The following WWOX variants were observed in gnomAD, a reference collection of about 807,000 sequenced individuals.
WWOX encodes the protein WW domain-containing oxidoreductase.
Under a neutral mutation model 46.2 loss-of-function variants are expected in WWOX, and 69 were observed. That is an observed-to-expected ratio of 1.49 (90% CI 1.23 to 1.82). WWOX has a LOEUF of 1.82. WWOX is among the 40% of genes most tolerant of loss of function. The probability of loss-of-function intolerance (pLI) is 0.00; values close to 1 mark genes in which losing one functional copy is unlikely to be tolerated. For missense variants in WWOX, 919 were observed against 542.6 expected, an observed-to-expected ratio of 1.69 and a Z score of -6.89; for synonymous variants, 359 against 202.6, an observed-to-expected ratio of 1.77 and a Z score of -6.56.
At chr16:78,924,234 T>C (rs554009618) in intron 8 of WWOX, among the ~76,000 whole-genome samples, 19 of 152,186 alleles carry the variant, frequency 1.2e-4, no homozygotes, top group Non-Finnish European at 2.5e-4. Context: ...TGTGAATTCA[T>C]AGACGTCTTG....
At chr16:78,745,219 G>T (rs2049320569) in intron 8 of WWOX, among the ~76,000 whole-genome samples, 2 of 152,212 alleles carry the variant, frequency 1.3e-5, no homozygotes, top group Admixed American at 6.5e-5. Flanking sequence ...TAAGGCACTT[G>T]ATTAGTTCTT....
intron 8 of WWOX, among the ~76,000 whole-genome samples, chr16:78,556,645 C>T (rs1352102749): frequency 2.0e-5 from 3 of 152,114 alleles, no homozygotes; most frequent in African/African-American, 7.2e-5. Flanking sequence ...ACCAAACGTA[C>T]CGGTGTGTGA....
chr16:78,700,715 T>C (rs915778102), intron 8 of WWOX, among the ~76,000 whole-genome samples: 5 of 152,164 alleles, frequency 3.3e-5, no homozygotes, highest in Non-Finnish European at 4.4e-5. Flanking sequence ...GGCCACCTCA[T>C]AGTCTTGTTG....
intron 8 of WWOX, among the ~76,000 whole-genome samples, chr16:78,465,898 C>T (rs893392507): frequency 1.3e-5 from 2 of 152,148 alleles, no homozygotes; most frequent in African/African-American, 4.8e-5. Flanking sequence ...TAAGAGGTCA[C>T]ATAGGATATT....
At chr16:78,306,589 G>T (rs999931202) in intron 5 of WWOX, among the ~76,000 whole-genome samples, 11 of 152,130 alleles carry the variant, frequency 7.2e-5, no homozygotes, top group African/African-American at 2.4e-4. Flanking sequence ...TCTTACTCCA[G>T]ATCAAAGAGT....
chr16:78,311,957 G>A (rs1303271074), intron 5 of WWOX, among the ~76,000 whole-genome samples: 2 of 152,278 alleles, frequency 1.3e-5, no homozygotes, highest in East Asian at 1.9e-4. Context: ...GGATACTGTA[G>A]AGGAGAATAC....
intron 5 of WWOX, among the ~76,000 whole-genome samples, chr16:78,311,795 G>T (rs553452623): frequency 6.6e-6 from 1 of 151,736 alleles, no homozygotes; most frequent in South Asian, 2.1e-4. Flanking sequence ...CCTGGCGGGG[G>T]GGTATTCATT....
At chr16:78,558,732 G>A (rs976702939) in intron 8 of WWOX, among the ~76,000 whole-genome samples, 1 of 152,300 alleles carries the variant, frequency 6.6e-6, no homozygotes, top group South Asian at 2.1e-4. Context: ...CCCAGTCTTG[G>A]CTTTGATCAA....
chr16:79,025,310 G>C (rs1373794433), intron 8 of WWOX, among the ~76,000 whole-genome samples: 1 of 152,160 alleles, frequency 6.6e-6, no homozygotes, highest in Non-Finnish European at 1.5e-5. Flanking sequence ...GTTCGATTTA[G>C]TGGTGGCTCC....
At chr16:78,555,136 C>G (rs1466235011) in intron 8 of WWOX, among the ~76,000 whole-genome samples, 1 of 137,496 alleles carries the variant, frequency 7.3e-6, no homozygotes, top group African/African-American at 2.8e-5. Context: ...CTGTCTTTTT[C>G]TCTTTCTCTC....
At chr16:79,123,620 A>G (rs772909159) in intron 8 of WWOX, among the ~76,000 whole-genome samples, 12 of 152,126 alleles carry the variant, frequency 7.9e-5, no homozygotes, top group South Asian at 2.1e-4. Context: ...AGCAGTCAAA[A>G]TAGTTTGACC....
intron 5 of WWOX, among the ~76,000 whole-genome samples, chr16:78,323,273 A>AT (rs1293947931): frequency 6.6e-6 from 1 of 151,884 alleles, no homozygotes; most frequent in Non-Finnish European, 1.5e-5. Context: ...TGCCCGGCTA[A>AT]TTTTTTTATT....
chr16:79,167,351 G>A (rs2050615048), intron 8 of WWOX, among the ~76,000 whole-genome samples: 1 of 152,180 alleles, frequency 6.6e-6, no homozygotes, highest in South Asian at 2.1e-4. Flanking sequence ...GTATAAGTGT[G>A]ATTATTATAT....
At chr16:78,829,386 C>T (rs1455229989) in intron 8 of WWOX, among the ~76,000 whole-genome samples, 1 of 152,096 alleles carries the variant, frequency 6.6e-6, no homozygotes, top group Non-Finnish European at 1.5e-5. Flanking sequence ...TTCGGGCCTT[C>T]AACAGATTAG....
At chr16:79,206,712 G>A (rs181370242) in intron 8 of WWOX, 2 of 152,138 alleles carry the variant, frequency 1.3e-5, no homozygotes, top group South Asian at 2.1e-4. Flanking sequence ...TGGTGTGTTC[G>A]TTGGTTAGCA....
intron 8 of WWOX, among the ~76,000 whole-genome samples, chr16:78,776,884 C>T (rs553927440): frequency 6.6e-6 from 1 of 152,252 alleles, no homozygotes; most frequent in East Asian, 1.9e-4. Flanking sequence ...GAACCACCCC[C>T]ATCATCCAGT....
chr16:78,155,411 G>A (rs896367722), intron 4 of WWOX, among the ~76,000 whole-genome samples: 1 of 152,140 alleles, frequency 6.6e-6, no homozygotes, highest in Non-Finnish European at 1.5e-5. Context: ...AAGATAAGTA[G>A]GTATTTAAAT....
chr16:78,501,932 C>G (rs1461556187), intron 8 of WWOX, among the ~76,000 whole-genome samples: 3 of 152,110 alleles, frequency 2.0e-5, no homozygotes. Flanking sequence ...GTCCCACCTG[C>G]CCATCGTCAG....
chr16:78,740,331 G>C (rs957345759), intron 8 of WWOX, among the ~76,000 whole-genome samples: 1 of 152,196 alleles, frequency 6.6e-6, no homozygotes, highest in Admixed American at 6.5e-5. Context: ...GCTCCTGAGA[G>C]TTAAATCAAG....
Sources: allele counts gnomAD v4.1 joint callset (sites outside exome capture counted in the v4.1 genomes callset), GRCh38; gene constraint gnomAD v4.1.1; transcripts MANE v1.5; gene names NCBI Gene and HGNC (gene_info 2026-07-23, HGNC 2026-07-21).